The following CCSER1 variants were observed in gnomAD, a reference collection of about 807,000 sequenced individuals.
CCSER1 encodes serine-rich coiled-coil domain-containing protein 1.
In CCSER1, 41 loss-of-function variants were observed where a neutral mutation model predicts 82.0. The ratio of observed to expected loss-of-function variants is 0.50; its 90% CI spans 0.39 to 0.65. CCSER1 has a LOEUF of 0.65. Among genes scored for constraint, CCSER1 ranks in the 30% least tolerant of loss-of-function variants. The pLI, the probability that CCSER1 is intolerant of heterozygous loss-of-function variation, is 0.00. For missense variants in CCSER1, 1,119 were observed against 1,064.2 expected (o/e 1.05, Z -0.72); for synonymous variants, 414 against 383.9 (o/e 1.08, Z -0.92).
intron 4 of CCSER1, among the ~76,000 whole-genome samples, chr4:90,464,710 G>A (rs1050415197): frequency 1.3e-5 from 2 of 152,182 alleles, no homozygotes; most frequent in African/African-American, 4.8e-5. Flanking sequence ...CGGGAAAAAT[G>A]TATTATTGAT....
At chr4:91,355,621 C>T (rs191344883) in intron 10 of CCSER1, among the ~76,000 whole-genome samples, 1 of 152,268 alleles carries the variant, frequency 6.6e-6, no homozygotes, top group Non-Finnish European at 1.5e-5. Flanking sequence ...TAGTTGACGT[C>T]CTTACTGAAA....
intron 1 of CCSER1, among the ~76,000 whole-genome samples, chr4:90,146,169 T>G (rs1725776013): frequency 6.6e-6 from 1 of 152,106 alleles, no homozygotes; most frequent in African/African-American, 2.4e-5. Flanking sequence ...TTCTGTAACC[T>G]TCTCATTTTT....
At chr4:91,322,479 G>A (rs6532291) in intron 10 of CCSER1, among the ~76,000 whole-genome samples, 118,874 of 151,976 alleles carry the variant, frequency 0.78, 47,247 homozygotes, top group African/African-American at 0.93. Context: ...TTCTAAAAGT[G>A]ATTTCAATAC....
chr4:90,217,030 A>T (rs1329199562), intron 1 of CCSER1, among the ~76,000 whole-genome samples: 1 of 151,838 alleles, frequency 6.6e-6, no homozygotes, highest in Non-Finnish European at 1.5e-5. Context: ...TAGGTATTTA[A>T]TTTTTTTGTG....
Position 91,594,384 on chromosome 4 carries a change from CAT to C in CCSER1, c.2218-4182_2218-4181del, listed in dbSNP as rs1287872329. ...ATATATATACACATATATATACACA[CAT>C]ATATACATATATACACATATATACA... On this transcript the variant is annotated intron_variant, in intron 10 of 10. Coordinates refer to ENST00000509176, the MANE Select transcript of CCSER1 (RefSeq NM_001145065.2). 9.8e-5 allele frequency among the ~76,000 whole-genome samples: 13 copies of C among 132,910 alleles called. No individual in the cohort carries two copies. The South Asian group carries it at 2.5e-3, about 25-fold the overall frequency. The allele number at this position is 132,910 out of a possible 152,430, so 87.2% of individuals were successfully genotyped here. A position where few individuals can be genotyped will look rare whatever the true frequency, so the allele number is the denominator to read the frequency against.
intron 10 of CCSER1, among the ~76,000 whole-genome samples, chr4:91,595,304 C>T (rs367880166): frequency 6.6e-5 from 10 of 152,252 alleles, no homozygotes; most frequent in African/African-American, 2.4e-4. Context: ...GGCCTAAGAA[C>T]ACTCCCCAAT....
At chr4:90,379,067 T>C (rs1211886173) in intron 3 of CCSER1, among the ~76,000 whole-genome samples, 1 of 152,166 alleles carries the variant, frequency 6.6e-6, no homozygotes, top group Non-Finnish European at 1.5e-5. Context: ...AAATTTATTA[T>C]AATCGACTGA....
chr4:90,960,011 A>C (rs1404781894), intron 9 of CCSER1, among the ~76,000 whole-genome samples: 2 of 152,160 alleles, frequency 1.3e-5, no homozygotes, highest in Non-Finnish European at 2.9e-5. Context: ...ATTGTGCTCC[A>C]GCAAGACAGT....
intron 7 of CCSER1, among the ~76,000 whole-genome samples, chr4:90,815,319 G>T (rs1024267054): frequency 1.3e-5 from 2 of 152,074 alleles, no homozygotes; most frequent in African/African-American, 4.8e-5. Flanking sequence ...ATTACAATTC[G>T]TGATGAGATT....
intron 1 of CCSER1, among the ~76,000 whole-genome samples, chr4:90,150,658 G>C (rs1277138512): frequency 6.6e-6 from 1 of 152,048 alleles, no homozygotes; most frequent in Non-Finnish European, 1.5e-5. Context: ...AACCAGTACT[G>C]ACCACAGTGA....
intron 9 of CCSER1, among the ~76,000 whole-genome samples, chr4:90,937,457 G>T (rs1036102374): frequency 7.0e-6 from 1 of 141,908 alleles, no homozygotes; most frequent in Non-Finnish European, 1.5e-5. Flanking sequence ...CACAGCTTAC[G>T]TCGTGTTGTA....
chr4:90,149,972 A>T (rs1280441592), intron 1 of CCSER1, among the ~76,000 whole-genome samples: 1 of 152,172 alleles, frequency 6.6e-6, no homozygotes, highest in African/African-American at 2.4e-5. Context: ...TGTTGACTTC[A>T]TGAGCTATAA....
intron 8 of CCSER1, among the ~76,000 whole-genome samples, chr4:90,911,808 G>A (rs1726419349): frequency 6.6e-6 from 1 of 152,156 alleles, no homozygotes; most frequent in South Asian, 2.1e-4. Flanking sequence ...GATGGTCTTA[G>A]CAAACGGCAC....
At chr4:91,018,402 T>C (rs1739629559) in intron 9 of CCSER1, among the ~76,000 whole-genome samples, 1 of 152,170 alleles carries the variant, frequency 6.6e-6, no homozygotes, top group Admixed American at 6.5e-5. Context: ...TCATTTGTAC[T>C]ACTAAGCTTC....
chr4:90,813,495 C>T (rs187195644), intron 7 of CCSER1, among the ~76,000 whole-genome samples: 360 of 152,256 alleles, frequency 2.4e-3, no homozygotes, highest in African/African-American at 7.9e-3. Context: ...AATTGTATCT[C>T]CCAGAATTCC....
intron 3 of CCSER1, among the ~76,000 whole-genome samples, chr4:90,361,159 C>A (rs1745305332): frequency 6.6e-6 from 1 of 152,170 alleles, no homozygotes; most frequent in South Asian, 2.1e-4. Context: ...GATAGGCACT[C>A]TTTAAACATA....
chr4:90,399,934 T>C (rs897636036), intron 3 of CCSER1, 102 bp from the exon 4 acceptor site: 2 of 568,398 alleles, frequency 3.5e-6, no homozygotes, highest in Non-Finnish European at 3.1e-6. Context: ...AACTTTTCAT[T>C]CTGATTTGGA....
At chr4:91,510,872 T>A (rs1314456000) in intron 10 of CCSER1, among the ~76,000 whole-genome samples, 2 of 152,186 alleles carry the variant, frequency 1.3e-5, no homozygotes, top group African/African-American at 4.8e-5. Context: ...AACAATTGCT[T>A]TTGAGCAACT....
chr4:90,155,423 T>A (rs1038411122), intron 1 of CCSER1, among the ~76,000 whole-genome samples: 1 of 152,174 alleles, frequency 6.6e-6, no homozygotes, highest in African/African-American at 2.4e-5. Context: ...TCCCTCTTTT[T>A]CTGTTGATTG....
Sources: allele counts gnomAD v4.1 joint callset (sites outside exome capture counted in the v4.1 genomes callset), GRCh38; gene constraint gnomAD v4.1.1; transcripts MANE v1.5; gene names NCBI Gene and HGNC (gene_info 2026-07-23, HGNC 2026-07-21).